ADH1C: variants seen among roughly 807,000 people sequenced by gnomAD.
ADH1C encodes alcohol dehydrogenase 1C.
In ADH1C, 26 loss-of-function variants were observed where a neutral mutation model predicts 35.0. That is an observed-to-expected ratio of 0.74 (90% CI 0.54 to 1.03). ADH1C has a LOEUF of 1.03. Ranked by LOEUF, ADH1C falls within the 50% of genes least tolerant of loss-of-function variation. ADH1C has a pLI of 0.00. For synonymous variants in ADH1C, 170 were observed against 169.3 expected (o/e 1.00, Z -0.03); for missense variants, 413 against 465.4 (o/e 0.89, Z 1.04).
intron 8 of ADH1C, 35 bp downstream of exon 8, chr4:99,339,542 T>A: frequency 4.3e-5 from 49 of 1,149,398 alleles, no homozygotes; most frequent in Non-Finnish European, 5.6e-5. Context: ...TACTGTAGAA[T>A]ACAAAGCAAA....
In ADH1C at chr4:99,339,732, A is replaced by G; in HGVS notation, c.965-17T>C. The G allele has an allele frequency of 6.3e-7, 1 of 1,597,648 alleles. No homozygotes were observed. Among genetic ancestry groups the G allele is most frequent in the East Asian group, 2.2e-5 (1 of 44,724 alleles). ...TCTTAAAGCCTGAAAAGAAGAAAAT[A>G]TCATTGATAGATTCAACCAGGGTAA... On this transcript the variant is annotated splice_polypyrimidine_tract_variant and intron_variant, in intron 7 of 8. Coordinates refer to ENST00000515683, the MANE Select transcript of ADH1C (RefSeq NM_000669.5).
At position 99,352,633 on chromosome 4, in the gene ADH1C, C is replaced by G; in HGVS notation, c.18+25G>C. On this transcript the variant is annotated intron_variant, in intron 1 of 8. Coordinates refer to ENST00000515683, the MANE Select transcript of ADH1C (RefSeq NM_000669.5). The stretch of plus-strand genomic sequence containing the variant: ...TGTTATATTGAAGAGAATATATTAT[C>G]AACAGTAATATATTTTTTGCTTACT... 3 of 1,573,246 alleles carry G rather than the reference C, an allele frequency of 1.9e-6. 1 individual carries two copies. Among genetic ancestry groups the G allele is most frequent in the Middle Eastern group, 1.7e-4 (1 of 5,948 alleles).
chr4:99,343,064 T>A lies in ADH1C; in HGVS notation c.568-9A>T. On this transcript the variant is annotated splice_polypyrimidine_tract_variant and intron_variant, in intron 5 of 8. Coordinates refer to ENST00000515683, the MANE Select transcript of ADH1C (RefSeq NM_000669.5). ...GTAGACCCTGGGGTGACCTATGTTT[T>A]CAGAAAATGCAAAAATGAATTAAAT... 1 of 1,605,564 alleles carries A rather than the reference T, an allele frequency of 6.2e-7. No homozygotes were observed. Among genetic ancestry groups the A allele is most frequent in the Admixed American group, 1.7e-5 (1 of 58,056 alleles).
In ADH1C at chr4:99,342,855, C is replaced by T. The variant is rs1254725879; in HGVS notation, c.768G>A (p.Lys256=). The T allele has an allele frequency of 6.2e-7, 1 of 1,613,914 alleles. No homozygotes were observed. Among genetic ancestry groups the T allele is most frequent in the South Asian group, 1.1e-5 (1 of 91,082 alleles). ...DYKKPIQEVL[K]EMTDGGVDFS... ...AATCCACACCTCCATCAGTCATTTC[C>T]TTTAGCACTTCCTGAATGGGTTTCT... The change falls in exon 6 of 9, where the codon AAG becomes AAA. Residue 256 remains lysine (K), a synonymous_variant. Transcript: ENST00000515683.
At position 99,347,845 on chromosome 4, in the gene ADH1C, A is replaced by G; in HGVS notation, c.20T>C (p.Val7Ala). 2 of 1,613,672 alleles carry G rather than the reference A, an allele frequency of 1.2e-6. No homozygotes were observed. The stretch of plus-strand genomic sequence containing the variant: ...TAGCACAGCTGCTTTGCATTTGATT[A>G]CCTAGAACATCAGACAGAGAGATGG... MSTAGKVIKCKAAVLWE... is the reference protein window; with the variant it reads MSTAGKAIKCKAAVLWE... The change falls in exon 2 of 9, where the codon GTA becomes GCA. Residue 7 changes from valine to alanine, a missense_variant and splice_region_variant. Transcript: ENST00000515683.
In ADH1C at chr4:99,336,563, A is replaced by G. The variant is rs1198467145; in HGVS notation, c.*189T>C. 6 of 739,428 alleles carry G rather than the reference A, an allele frequency of 8.1e-6. No individual in the cohort carries two copies. Among genetic ancestry groups the G allele is most frequent in the South Asian group, 7.4e-5 (4 of 54,114 alleles). 45.8% of individuals were successfully genotyped at this position (739,428 alleles called of 1,614,324 possible). On this transcript the variant is annotated 3_prime_UTR_variant, in exon 9 of 9. Coordinates refer to ENST00000515683, the MANE Select transcript of ADH1C (RefSeq NM_000669.5). The stretch of plus-strand genomic sequence containing the variant: ...ATGTTCAACACTTTATTTAGTTCTC[A>G]TTTGGATTTTAAACATTTGCTTGAC...
At chr4:99,342,449 G>A (rs1395418427) in intron 6 of ADH1C, among the ~76,000 whole-genome samples, 1 of 152,032 alleles carries the variant, frequency 6.6e-6, no homozygotes, top group African/African-American at 2.4e-5. Flanking sequence ...GAATGTAAAA[G>A]AAAAATAAAA....
chr4:99,341,495 A>C (rs1250954638), intron 6 of ADH1C, among the ~76,000 whole-genome samples: 1 of 152,162 alleles, frequency 6.6e-6, no homozygotes, highest in Non-Finnish European at 1.5e-5. Flanking sequence ...GAGAAAATGG[A>C]GGAAGATATA....
chr4:99,337,114 G>C (rs961146765), intron 8 of ADH1C, among the ~76,000 whole-genome samples: 1 of 152,124 alleles, frequency 6.6e-6, no homozygotes, highest in African/African-American at 2.4e-5. Context: ...ATAATAACAT[G>C]CAATAAGTTT....
At chr4:99,341,186 T>C (rs1166667884) in intron 6 of ADH1C, among the ~76,000 whole-genome samples, 1 of 152,196 alleles carries the variant, frequency 6.6e-6, no homozygotes, top group Non-Finnish European at 1.5e-5. Context: ...TTTAACAGAT[T>C]CCTATGTCCA....
intron 8 of ADH1C, among the ~76,000 whole-genome samples, chr4:99,337,496 C>CA: frequency 6.6e-6 from 1 of 152,172 alleles, no homozygotes; most frequent in Admixed American, 6.5e-5. Flanking sequence ...AGAAATGTAA[C>CA]ATTTACACTA....
rs1174582777 is a variant in ADH1C at position 99,339,646 on chromosome 4, G to A, written c.1034C>T (p.Ala345Val). Reference sequence around the variant, plus strand: ...AAAAGGTAAAATATTTGTTATTAATGCATCCAGTGAAAACTTCTTAGCCAT... The same window carrying A: ...AAAAGGTAAAATATTTGTTATTAATACATCCAGTGAAAACTTCTTAGCCAT... Reference protein sequence around the residue: ...DFMAKKFSLDALITNILPFEK... With the variant: ...DFMAKKFSLDVLITNILPFEK... The change falls in exon 8 of 9, where the codon GCA becomes GTA. Residue 345 changes from alanine (A) to valine (V), a missense_variant. Physicochemically the swap from Ala to Val is moderately conservative, Grantham distance 64 (BLOSUM62 0). Coordinates refer to ENST00000515683, the MANE Select transcript of ADH1C (RefSeq NM_000669.5). 5 of 1,608,578 alleles carry A rather than the reference G, an allele frequency of 3.1e-6. No homozygotes were observed. The highest frequency in any genetic ancestry group is 4.2e-6 in the Non-Finnish European group (5 of 1,176,586).
intron 2 of ADH1C, among the ~76,000 whole-genome samples, 195 bp from the exon 3 acceptor site, chr4:99,347,339 T>G (rs1442431712): frequency 6.6e-6 from 1 of 152,222 alleles, no homozygotes; most frequent in Non-Finnish European, 1.5e-5. Flanking sequence ...CTTTTTCCCT[T>G]GAATTTAACA....
In ADH1C at chr4:99,338,424, TATATATATATATATATATATAC is replaced by T. The variant is rs1473136528; in HGVS notation, c.1103+1131_1103+1152del. Among the ~76,000 whole-genome samples, 302 of 78,234 alleles carry T rather than the reference TATATATATATATATATATATAC, an allele frequency of 3.9e-3. 23 individuals are homozygous for T. Among genetic ancestry groups the T allele is most frequent in the Admixed American group, 8.2e-3 (51 of 6,206 alleles). 51.3% of individuals were successfully genotyped at this position (78,234 alleles called of 152,430 possible). On this transcript the variant is annotated intron_variant, in intron 8 of 8. Coordinates refer to ENST00000515683, the MANE Select transcript of ADH1C (RefSeq NM_000669.5). Reference sequence around the variant, plus strand: ...ATATATATATATATATATATATATATATATATATATATATATATATACACACTCTTGAGGGGTGGTGTGGTTT... The same window carrying T: ...ATATATATATATATATATATATATATACACTCTTGAGGGGTGGTGTGGTTT...
At chr4:99,343,388 G>T (rs192613428) in intron 5 of ADH1C, among the ~76,000 whole-genome samples, 1 of 152,300 alleles carries the variant, frequency 6.6e-6, no homozygotes, top group Non-Finnish European at 1.5e-5. Flanking sequence ...TGGGAACCAG[G>T]GGACTGGATG....
chr4:99,348,893 T>C (rs1485060181), intron 1 of ADH1C, among the ~76,000 whole-genome samples: 1 of 151,680 alleles, frequency 6.6e-6, no homozygotes, highest in Non-Finnish European at 1.5e-5. Flanking sequence ...ATGAACATTT[T>C]TTCATGTGTT....
chr4:99,347,309 A>G (rs1392025268), intron 2 of ADH1C, among the ~76,000 whole-genome samples, 165 bp from the exon 3 acceptor site: 1 of 152,258 alleles, frequency 6.6e-6, no homozygotes, highest in Non-Finnish European at 1.5e-5. Context: ...CTCCAAGGTT[A>G]TCCAGTCTAA....
intron 1 of ADH1C, among the ~76,000 whole-genome samples, chr4:99,349,082 T>G (rs867899914): frequency 7.0e-6 from 1 of 143,130 alleles, no homozygotes; most frequent in East Asian, 2.0e-4. Context: ...TAGGTTGCCT[T>G]TTCACTCTGA....
intron 1 of ADH1C, among the ~76,000 whole-genome samples, chr4:99,351,597 T>C (rs1475959196): frequency 6.6e-6 from 1 of 152,214 alleles, no homozygotes; most frequent in Non-Finnish European, 1.5e-5. Context: ...TATTAATCAA[T>C]AATGAATGAA....
Sources: gnomAD v4.1 joint callset for allele counts (sites outside exome capture counted in the v4.1 genomes callset) on GRCh38, gnomAD v4.1.1 for gene constraint, MANE v1.5 for transcripts, NCBI Gene and HGNC (gene_info 2026-07-23, HGNC 2026-07-21) for gene names.